DAGLA: variants seen among roughly 807,000 people sequenced by gnomAD.
DAGLA encodes the protein diacylglycerol lipase alpha, also known as diacylglycerol lipase-alpha.
In DAGLA, 22 loss-of-function variants were observed where a neutral mutation model predicts 102.6. The ratio of observed to expected loss-of-function variants is 0.21; its 90% CI spans 0.15 to 0.31. DAGLA has a LOEUF of 0.31. Ranked by LOEUF, DAGLA falls within the 10% of genes least tolerant of loss-of-function variation. DAGLA has a pLI of 1.00. For missense variants in DAGLA, 927 were observed against 1,446.6 expected, an observed-to-expected ratio of 0.64 and a Z score of 5.83; for synonymous variants, 578 against 628.9, an observed-to-expected ratio of 0.92 and a Z score of 1.21.
At chr11:61,711,972 G>A (rs1281785338) in intron 1 of DAGLA, among the ~76,000 whole-genome samples, 1 of 152,242 alleles carries the variant, frequency 6.6e-6, no homozygotes, top group Non-Finnish European at 1.5e-5. Flanking sequence ...GCTTGTTAAA[G>A]TAACCAGCAT....
chr11:61,715,694 G>A (rs1265922675), intron 1 of DAGLA, among the ~76,000 whole-genome samples: 1 of 152,324 alleles, frequency 6.6e-6, no homozygotes, highest in African/African-American at 2.4e-5. Context: ...GACCAGCTGG[G>A]CACCAGCAGC....
At chr11:61,729,245 T>C (rs2065355492) in intron 8 of DAGLA, among the ~76,000 whole-genome samples, 1 of 152,234 alleles carries the variant, frequency 6.6e-6, no homozygotes, top group Non-Finnish European at 1.5e-5. Flanking sequence ...TTCAGAAGTG[T>C]CTGGTCCTGG....
At chr11:61,717,337 C>T (rs939139641) in intron 1 of DAGLA, among the ~76,000 whole-genome samples, 2 of 152,134 alleles carry the variant, frequency 1.3e-5, no homozygotes, top group African/African-American at 2.4e-5. Context: ...GCAGCCCACC[C>T]CCAACCCTTA....
At chr11:61,733,579 T>G (rs145141758) in intron 9 of DAGLA, among the ~76,000 whole-genome samples, 130 of 152,346 alleles carry the variant, frequency 8.5e-4, no homozygotes, top group African/African-American at 3.0e-3. Flanking sequence ...CAGCGTCTGG[T>G]GCCTTAGCAG....
Position 61,743,817 on chromosome 11 carries a change from C to T in DAGLA, c.2457C>T (p.His819=). Residue 819 remains histidine (H), a synonymous_variant, in exon 20 of 20, where the codon CAC becomes CAT. Coordinates refer to ENST00000257215, the MANE Select transcript of DAGLA (RefSeq NM_006133.3). ...CTGTGCTGGAGCGTGATGAAGGCCA[C>T]CTCTTCTACATTGACCCTGCCATCC... is the stretch of plus-strand genomic sequence containing the variant. ...LHAVLERDEG[H]LFYIDPAIPE... The T allele has an allele frequency of 1.2e-6, 2 of 1,612,568 alleles. No individual in the cohort carries two copies. The highest frequency in any genetic ancestry group is 1.7e-6 in the Non-Finnish European group (2 of 1,179,932).
At chr11:61,711,138 C>T (rs911452382) in intron 1 of DAGLA, among the ~76,000 whole-genome samples, 2 of 152,146 alleles carry the variant, frequency 1.3e-5, no homozygotes, top group South Asian at 2.1e-4. Flanking sequence ...AGAAGACCAC[C>T]GGGGCAGGTA....
intron 1 of DAGLA, among the ~76,000 whole-genome samples, chr11:61,693,990 C>A (rs891287151): frequency 6.6e-6 from 1 of 152,256 alleles, no homozygotes. Flanking sequence ...TTTAGTTTGG[C>A]ATCACCTAGG....
intron 1 of DAGLA, among the ~76,000 whole-genome samples, chr11:61,683,837 C>G (rs150558537): frequency 3.9e-5 from 6 of 152,136 alleles, no homozygotes; most frequent in Non-Finnish European, 8.8e-5. Flanking sequence ...CGAGTAAGTT[C>G]CAGCTGAGGC....
intron 1 of DAGLA, among the ~76,000 whole-genome samples, chr11:61,691,828 A>C (rs778572134): frequency 4.9e-4 from 74 of 152,292 alleles, no homozygotes; most frequent in Non-Finnish European, 8.4e-4. Flanking sequence ...TGAGTCCTTA[A>C]CCAGGTCCTT....
chr11:61,697,511 G>A (rs542090424), intron 1 of DAGLA, among the ~76,000 whole-genome samples: 9 of 152,194 alleles, frequency 5.9e-5, no homozygotes, highest in Admixed American at 5.9e-4. Flanking sequence ...CCAGGAGCCT[G>A]GGCTGTGGGG....
At chr11:61,728,901 A>ACATC in intron 7 of DAGLA, 30 bp from the exon 8 acceptor site, 1 of 1,607,308 alleles carries the variant, frequency 6.2e-7, no homozygotes, top group Non-Finnish European at 8.5e-7. Context: ...TGGGCCAGTG[A>ACATC]TTGTCCTTCT....
chr11:61,727,250 T>C (rs973826668), intron 6 of DAGLA, among the ~76,000 whole-genome samples: 1 of 152,254 alleles, frequency 6.6e-6, no homozygotes, highest in Non-Finnish European at 1.5e-5. Context: ...CATAAACTTC[T>C]GTATTTCTGA....
intron 1 of DAGLA, among the ~76,000 whole-genome samples, chr11:61,693,825 G>A (rs2065043349): frequency 6.6e-6 from 1 of 152,184 alleles, no homozygotes; most frequent in South Asian, 2.1e-4. Context: ...GATCCCCAGG[G>A]CTTCACACCG....
In DAGLA at chr11:61,720,850, G is replaced by C; in HGVS notation, c.267G>C (p.Glu89Asp). ...LSMRGGILYT[E>D]PRDSMQYVLY... is the part of the protein sequence containing the mutation. ...TGCGCGGGGGCATCCTCTACACGGA[G>C]CCCCGTGACTCCATGCAGTACGTGC... The change falls in exon 3 of 20, where the codon GAG (glutamate) becomes GAC (aspartate). Residue 89 changes from glutamate (E) to aspartate (D), a missense_variant. Glu to Asp is a conservative substitution (Grantham distance 45, BLOSUM62 2). Around this residue, in one of 4 missense-constraint regions of DAGLA, gnomAD observed 231 missense variants for 439.8 expected, o/e 0.53. Transcript: ENST00000257215. 6.2e-7 allele frequency: 1 copy of C among 1,613,490 alleles called. No individual in the cohort carries two copies. The highest frequency in any genetic ancestry group is 8.5e-7 in the Non-Finnish European group (1 of 1,180,044).
rs554917091 is a variant in DAGLA at position 61,717,372 on chromosome 11, A to G, written c.-44-2740A>G. Among the ~76,000 whole-genome samples, 3 of 149,286 alleles carry G rather than the reference A, an allele frequency of 2.0e-5. No individual in the cohort carries two copies. In the South Asian group the frequency reaches 6.4e-4, roughly 32 times the overall value. ...ATGCAGCACAGGCCCTGCCACCCCC[A>G]CCCCAGACCTTGACTTGTTGGTGAC... On this transcript the variant is annotated intron_variant, in intron 1 of 19. Transcript: ENST00000257215.
In DAGLA at chr11:61,734,536, A is replaced by C. The variant is rs972737446; in HGVS notation, c.975-313A>C. 6.6e-6 allele frequency among the ~76,000 whole-genome samples: 1 copy of C among 152,122 alleles called. No homozygotes were observed. Among genetic ancestry groups the C allele is most frequent in the African/African-American group, 2.4e-5 (1 of 41,408 alleles). ...GAGCCAGTGCCCCCAGAGGGACCCCAGGGCTTCAGTGTTGGGTGCATCGCT... is the reference window on the plus strand; with the variant it reads ...GAGCCAGTGCCCCCAGAGGGACCCCCGGGCTTCAGTGTTGGGTGCATCGCT... On this transcript the variant is annotated intron_variant, in intron 9 of 19. Coordinates refer to ENST00000257215, the MANE Select transcript of DAGLA (RefSeq NM_006133.3). The surrounding 1 kb of genome is among the most constrained non-coding windows in gnomAD (Gnocchi z 4.2).
chr11:61,700,715 C>A (rs1354144896), intron 1 of DAGLA, among the ~76,000 whole-genome samples: 1 of 152,228 alleles, frequency 6.6e-6, no homozygotes. Flanking sequence ...CCCTGCAGTC[C>A]TGCACAGCCC....
chr11:61,737,283 C>T lies in DAGLA; in HGVS notation c.1473C>T (p.Thr491=), dbSNP rs1282030905. ...TCCTTCTGCGCCCACAGTATCCGAC[C>T]CTCAAGTGCTTTGCCTACTCCCCGC... ...LSFLLRPQYP[T]LKCFAYSPPG... Residue 491 remains threonine, a synonymous_variant, in exon 14 of 20, where the codon ACC becomes ACT. Transcript: ENST00000257215. The T allele has an allele frequency of 1.2e-6, 2 of 1,612,782 alleles. No individual in the cohort carries two copies. The highest frequency in any genetic ancestry group is 3.3e-5 in the Admixed American group (2 of 60,034).
intron 1 of DAGLA, among the ~76,000 whole-genome samples, chr11:61,689,508 C>CTTT (rs199969886): frequency 8.8e-6 from 1 of 114,094 alleles, no homozygotes. Context: ...GTTTCCTCAT[C>CTTT]TTTTTTTTTT....
Sources: gnomAD v4.1 joint callset for allele counts (sites outside exome capture counted in the v4.1 genomes callset) on GRCh38, gnomAD v4.1.1 for gene constraint, gnomAD v4.1.1 regional missense constraint, Gnocchi (gnomAD v3.1) non-coding constraint, MANE v1.5 for transcripts, NCBI Gene and HGNC (gene_info 2026-07-23, HGNC 2026-07-21) for gene names.